Variants in SLC9A9 observed in about 807,000 individuals in gnomAD.
SLC9A9 encodes sodium/hydrogen exchanger 9.
In SLC9A9, 62 loss-of-function variants were observed where a neutral mutation model predicts 77.8. The observed-to-expected ratio is 0.80, with a 90% CI of 0.65 to 0.98. SLC9A9 has a LOEUF of 0.98. SLC9A9 is among the 50% of genes least tolerant of loss of function. The pLI is 0.00. For missense variants in SLC9A9, 775 were observed against 774.9 expected (o/e 1.00, Z 0.00); for synonymous variants, 320 against 283.5 (o/e 1.13, Z -1.29).
At chr3:143,322,454 T>TG (rs969524035) in intron 14 of SLC9A9, among the ~76,000 whole-genome samples, 13 of 152,198 alleles carry the variant, frequency 8.5e-5, no homozygotes, top group Non-Finnish European at 1.8e-4. Context: ...TTGGCTCTCC[T>TG]GGACCTTCAG....
At chr3:143,692,925 T>C (rs1226154848) in intron 5 of SLC9A9, among the ~76,000 whole-genome samples, 1 of 152,164 alleles carries the variant, frequency 6.6e-6, no homozygotes, top group Non-Finnish European at 1.5e-5. Flanking sequence ...CATGGACCAC[T>C]GGTTGGACAA....
chr3:143,397,197 C>G (rs1430334062), intron 12 of SLC9A9, among the ~76,000 whole-genome samples: 1 of 152,188 alleles, frequency 6.6e-6, no homozygotes, highest in Non-Finnish European at 1.5e-5. Flanking sequence ...GGTAGGAAGA[C>G]AGATGTAATA....
chr3:143,580,414 A>G (rs1435644734), intron 6 of SLC9A9, among the ~76,000 whole-genome samples: 2 of 151,900 alleles, frequency 1.3e-5, no homozygotes, highest in Non-Finnish European at 2.9e-5. Context: ...CCTTCTCTCC[A>G]CCTCCATAAC....
chr3:143,279,935 T>A (rs1938166600), intron 14 of SLC9A9, among the ~76,000 whole-genome samples: 1 of 152,114 alleles, frequency 6.6e-6, no homozygotes, highest in Admixed American at 6.5e-5. Flanking sequence ...TCCTCCCCCC[T>A]CAGCCTCTCG....
intron 12 of SLC9A9, among the ~76,000 whole-genome samples, chr3:143,384,624 G>C (rs1434794683): frequency 6.6e-6 from 1 of 152,128 alleles, no homozygotes; most frequent in African/African-American, 2.4e-5. Flanking sequence ...CAACTAGATG[G>C]GGCAGAGGAA....
At chr3:143,638,339 A>G (rs894022414) in intron 6 of SLC9A9, among the ~76,000 whole-genome samples, 4 of 152,254 alleles carry the variant, frequency 2.6e-5, no homozygotes, top group African/African-American at 9.6e-5. Context: ...ATTTGAATTA[A>G]TTGCCTTTAG....
intron 12 of SLC9A9, among the ~76,000 whole-genome samples, chr3:143,390,296 G>A (rs2033527489): frequency 6.6e-6 from 1 of 152,206 alleles, no homozygotes. Context: ...TAACAGCTAA[G>A]AAGAGGCACA....
At chr3:143,781,389 A>T (rs192481677) in intron 4 of SLC9A9, among the ~76,000 whole-genome samples, 1 of 151,978 alleles carries the variant, frequency 6.6e-6, no homozygotes, top group Admixed American at 6.6e-5. Flanking sequence ...AAATGAACTC[A>T]ACGCATGTAA....
At chr3:143,801,244 C>T (rs11714765) in intron 2 of SLC9A9, among the ~76,000 whole-genome samples, 23,338 of 152,124 alleles carry the variant, frequency 0.15, 2,010 homozygotes, top group South Asian at 0.28. Context: ...ACCGGGACCG[C>T]GCCCTGTAGA....
chr3:143,657,686 A>G (rs538889224), intron 5 of SLC9A9, among the ~76,000 whole-genome samples: 1 of 152,320 alleles, frequency 6.6e-6, no homozygotes, highest in South Asian at 2.1e-4. Flanking sequence ...CATGTTAAAG[A>G]GCTTTGCAGA....
At chr3:143,421,647 G>C (rs571649340) in intron 12 of SLC9A9, among the ~76,000 whole-genome samples, 2 of 152,054 alleles carry the variant, frequency 1.3e-5, no homozygotes, top group Non-Finnish European at 2.9e-5. Context: ...ACCCTAGAAA[G>C]AAACCCAGGA....
intron 5 of SLC9A9, among the ~76,000 whole-genome samples, chr3:143,661,791 C>T (rs757980546): frequency 6.6e-6 from 1 of 152,154 alleles, no homozygotes; most frequent in African/African-American, 2.4e-5. Context: ...TCCCAAAATG[C>T]TGGGATTACA....
chr3:143,476,775 C>A (rs1418669865), intron 11 of SLC9A9, among the ~76,000 whole-genome samples: 1 of 152,142 alleles, frequency 6.6e-6, no homozygotes, highest in Non-Finnish European at 1.5e-5. Flanking sequence ...ATGGCACTGT[C>A]TGGAGATAGT....
At chr3:143,770,618 A>G (rs75229875) in intron 4 of SLC9A9, among the ~76,000 whole-genome samples, 2,074 of 152,326 alleles carry the variant, frequency 0.014, 49 homozygotes, top group African/African-American at 0.047. Context: ...ACTTGAGGAA[A>G]ACAAGAGGAA....
At chr3:143,292,957 A>C (rs543587539) in intron 14 of SLC9A9, among the ~76,000 whole-genome samples, 6 of 152,112 alleles carry the variant, frequency 3.9e-5, no homozygotes, top group Non-Finnish European at 5.9e-5. Context: ...AATTACACTA[A>C]GGCTCTTATT....
At chr3:143,321,624 G>C (rs1381239715) in intron 14 of SLC9A9, among the ~76,000 whole-genome samples, 6 of 152,138 alleles carry the variant, frequency 3.9e-5, no homozygotes, top group Admixed American at 2.6e-4. Context: ...TTATGTTTTA[G>C]GGTATTTTTT....
At chr3:143,726,739 A>AG (rs1315539480) in intron 4 of SLC9A9, among the ~76,000 whole-genome samples, 1 of 152,034 alleles carries the variant, frequency 6.6e-6, no homozygotes, top group Non-Finnish European at 1.5e-5. Flanking sequence ...ATTGCCTGAA[A>AG]AAAAAAATCT....
At chr3:143,313,811 C>T (rs542391448) in intron 14 of SLC9A9, among the ~76,000 whole-genome samples, 13 of 152,298 alleles carry the variant, frequency 8.5e-5, no homozygotes, top group Admixed American at 6.5e-4. Flanking sequence ...GTTGGGGTGA[C>T]GGCTTTGCAA....
At chr3:143,796,940 C>G in intron 2 of SLC9A9, 37 bp from the exon 3 acceptor site, 1 of 1,503,078 alleles carries the variant, frequency 6.7e-7, no homozygotes, top group South Asian at 1.1e-5. Context: ...TAGAATGATG[C>G]TCCTTTGGGT....
Sources: allele counts gnomAD v4.1 joint callset (sites outside exome capture counted in the v4.1 genomes callset), GRCh38; gene constraint gnomAD v4.1.1; transcripts MANE v1.5; gene names NCBI Gene and HGNC (gene_info 2026-07-23, HGNC 2026-07-21).